The following SDK1 variants were observed in gnomAD, a reference collection of about 807,000 sequenced individuals.
The protein encoded by SDK1 is protein sidekick-1.
Under a neutral mutation model 245.5 loss-of-function variants are expected in SDK1, and 157 were observed. The ratio of observed to expected loss-of-function variants is 0.64; its 90% CI spans 0.56 to 0.73. The LOEUF is 0.73. Among genes scored for constraint, SDK1 ranks in the 30% least tolerant of loss-of-function variants. The pLI is 0.00. For missense variants in SDK1, 3,583 were observed against 3,002.3 expected (o/e 1.19, Z -4.52); for synonymous variants, 1,647 against 1,278.5 (o/e 1.29, Z -6.15).
intron 4 of SDK1, among the ~76,000 whole-genome samples, chr7:3,674,632 A>G (rs991848571): frequency 1.3e-5 from 2 of 152,206 alleles, no homozygotes; most frequent in South Asian, 2.1e-4. Flanking sequence ...ACTTTATTCC[A>G]TAAATACGGA....
In SDK1 at chr7:3,890,129, C is replaced by T. The variant is rs1488179697; in HGVS notation, c.848-60794C>T. Among the ~76,000 whole-genome samples, 3 of 152,348 alleles carry T rather than the reference C, an allele frequency of 2.0e-5. No individual in the cohort carries two copies. The East Asian group carries it at 5.8e-4, about 29-fold the overall frequency. On this transcript the variant is annotated intron_variant, in intron 5 of 44. Transcript: ENST00000404826. ...GACATGGCCCTAGCTCAGAGTCCTG[C>T]AGACAGTTGGTAGCTGAGCAGGGAC... is the stretch of plus-strand genomic sequence containing the variant.
At chr7:4,134,153 C>T (rs1778887154) in intron 28 of SDK1, among the ~76,000 whole-genome samples, 2 of 152,148 alleles carry the variant, frequency 1.3e-5, no homozygotes, top group African/African-American at 4.8e-5. Flanking sequence ...CCTGGAGCTT[C>T]CTAAGTCTTC....
chr7:3,386,377 AAAGTTGAAGT>A (rs1781610963), intron 1 of SDK1, among the ~76,000 whole-genome samples: 1 of 152,178 alleles, frequency 6.6e-6, no homozygotes, highest in Non-Finnish European at 1.5e-5. Context: ...TAAAAGAGTT[AAAGTTGAAGT>A]TTTTTAGGCT....
intron 1 of SDK1, among the ~76,000 whole-genome samples, chr7:3,340,922 T>G (rs2128554331): frequency 6.6e-6 from 1 of 152,258 alleles, no homozygotes; most frequent in South Asian, 2.1e-4. Flanking sequence ...CTGGACAATT[T>G]ACCAACATTT....
intron 4 of SDK1, among the ~76,000 whole-genome samples, chr7:3,682,922 C>T (rs1027425675): frequency 1.3e-5 from 2 of 151,970 alleles, no homozygotes; most frequent in Non-Finnish European, 2.9e-5. Flanking sequence ...TTAGTAGAGA[C>T]GGGGTTTCAC....
rs185525696 is a variant in SDK1, at chr7:3,468,197, T to A, written c.299-150883T>A. ...CATCTGTTATTCATGCTTTTCTAGA[T>A]AACTGTATAATATTTTCTTTTACTA... On this transcript the variant is annotated intron_variant, in intron 1 of 44. Transcript: ENST00000404826. 4.5e-3 allele frequency among the ~76,000 whole-genome samples: 691 copies of A among 152,328 alleles called. 3 individuals are homozygous for A. Among genetic ancestry groups the A allele is most frequent in the Middle Eastern group, 0.01 (3 of 294 alleles).
At chr7:3,797,654 T>C (rs978271913) in intron 4 of SDK1, among the ~76,000 whole-genome samples, 1 of 149,220 alleles carries the variant, frequency 6.7e-6, no homozygotes, top group Non-Finnish European at 1.5e-5. Flanking sequence ...TATGTCATAA[T>C]TGATGAAGTT....
intron 44 of SDK1, among the ~76,000 whole-genome samples, chr7:4,252,507 G>A (rs186384800): frequency 2.9e-4 from 44 of 152,106 alleles, no homozygotes; most frequent in African/African-American, 9.4e-4. Flanking sequence ...AAATAGTGCC[G>A]CAATAAACAT....
chr7:4,230,537 A>G (rs116750377), intron 40 of SDK1, among the ~76,000 whole-genome samples: 1,821 of 151,122 alleles, frequency 0.012, 29 homozygotes, highest in South Asian at 0.07. Flanking sequence ...GAAGGAAGGA[A>G]GGAAAAATGG....
At chr7:3,910,200 G>C (rs561183213) in intron 5 of SDK1, among the ~76,000 whole-genome samples, 3 of 152,178 alleles carry the variant, frequency 2.0e-5, no homozygotes, top group African/African-American at 7.2e-5. Flanking sequence ...TGTTCTCTCT[G>C]TAGTGCACAG....
At chr7:3,620,716 C>G (rs1262818389) in intron 2 of SDK1, among the ~76,000 whole-genome samples, 2 of 152,128 alleles carry the variant, frequency 1.3e-5, no homozygotes, top group East Asian at 1.9e-4. Context: ...CAATCAGGAG[C>G]AGGCGGCTGA....
At chr7:3,777,895 CT>C (rs1352889261) in intron 4 of SDK1, among the ~76,000 whole-genome samples, 1 of 152,100 alleles carries the variant, frequency 6.6e-6, no homozygotes, top group African/African-American at 2.4e-5. Flanking sequence ...TGGTCCTTTT[CT>C]TTTTTCTTCT....
intron 5 of SDK1, among the ~76,000 whole-genome samples, chr7:3,941,756 G>T (rs532199780): frequency 6.6e-5 from 10 of 152,134 alleles, no homozygotes; most frequent in African/African-American, 2.2e-4. Context: ...CCTCTTTGAC[G>T]AAGTGGACGT....
intron 35 of SDK1, among the ~76,000 whole-genome samples, chr7:4,194,193 G>A (rs1212304373): frequency 1.3e-5 from 2 of 152,012 alleles, no homozygotes; most frequent in Admixed American, 1.3e-4. Flanking sequence ...ACTAATAGGA[G>A]AGAGAGCGAG....
intron 5 of SDK1, among the ~76,000 whole-genome samples, chr7:3,878,343 AC>A (rs1233024626): frequency 6.6e-6 from 1 of 152,038 alleles, no homozygotes; most frequent in East Asian, 1.9e-4. Flanking sequence ...ACACGGTGAA[AC>A]CCCATCTCTA....
At chr7:3,557,191 A>G (rs1779615498) in intron 1 of SDK1, among the ~76,000 whole-genome samples, 4 of 152,160 alleles carry the variant, frequency 2.6e-5, no homozygotes, top group African/African-American at 9.7e-5. Flanking sequence ...ACTTTAATAA[A>G]ATTGATAAAT....
At chr7:3,657,020 T>C (rs1452753281) in intron 4 of SDK1, among the ~76,000 whole-genome samples, 2 of 152,166 alleles carry the variant, frequency 1.3e-5, no homozygotes, top group East Asian at 3.9e-4. Flanking sequence ...GTGCTGGGAT[T>C]ACAGGCGTGA....
chr7:3,330,833 G>GT (rs1562418859), intron 1 of SDK1, among the ~76,000 whole-genome samples: 12 of 145,900 alleles, frequency 8.2e-5, no homozygotes, highest in African/African-American at 2.8e-4. Context: ...AAAAAACCAG[G>GT]TGTGGTGGTG....
At chr7:3,768,464 A>C (rs1180791449) in intron 4 of SDK1, among the ~76,000 whole-genome samples, 1 of 152,248 alleles carries the variant, frequency 6.6e-6, no homozygotes, top group Non-Finnish European at 1.5e-5. Flanking sequence ...CATTAAATAG[A>C]CAAGTCTTTA....
Sources: allele counts gnomAD v4.1 joint callset (sites outside exome capture counted in the v4.1 genomes callset), GRCh38; gene constraint gnomAD v4.1.1; transcripts MANE v1.5; gene names NCBI Gene and HGNC (gene_info 2026-07-23, HGNC 2026-07-21).